NEU4: variants seen among roughly 807,000 people sequenced by gnomAD.
The protein encoded by NEU4 is neuraminidase 4.
A neutral mutation model predicts 9.9 loss-of-function variants in NEU4; 7 were observed. The observed-to-expected ratio is 0.71, with a 90% CI of 0.40 to 1.33. NEU4 has a LOEUF of 1.33. NEU4 is among the 40% of genes most tolerant of loss of function. The probability of loss-of-function intolerance (pLI) is 0.01; values close to 1 mark genes in which losing one functional copy is unlikely to be tolerated. For synonymous variants in NEU4, 348 were observed against 316.9 expected (o/e 1.10, Z -1.04); for missense variants, 717 against 712.6 (o/e 1.01, Z -0.07).
Position 241,816,031 on chromosome 2 carries a change from C to A in NEU4, c.458-20C>A. 1 of 1,575,370 alleles carries A rather than the reference C, an allele frequency of 6.3e-7. No homozygotes were observed. On this transcript the variant is annotated intron_variant, in intron 3 of 3. Transcript: ENST00000407683. ...TCGGGGACCCAGCAGCCCCTCCCAC[C>A]TCTGCCCTCCTCCCTGCAGACTGGG...
chr2:241,809,818 G>A (rs1403053036), intron 1 of NEU4: 1 of 156,452 alleles, frequency 6.4e-6, no homozygotes, highest in Non-Finnish European at 1.4e-5. Context: ...TGGAGCAGAG[G>A]GAGTGAGGCC....
intron 1 of NEU4, chr2:241,814,025 G>A: frequency 2.5e-6 from 1 of 396,050 alleles, no homozygotes; most frequent in Non-Finnish European, 5.3e-6. Flanking sequence ...CCACGGTGCT[G>A]TGGCCTCTAT....
intron 3 of NEU4, chr2:241,815,523 T>A: frequency 2.0e-6 from 1 of 489,950 alleles, no homozygotes; most frequent in Non-Finnish European, 4.1e-6. Context: ...TCCCCCCCGC[T>A]AATCTCTTTA....
At chr2:241,811,459 C>T (rs778482327) in intron 1 of NEU4, 1 of 1,569,176 alleles carries the variant, frequency 6.4e-7, no homozygotes, top group African/African-American at 1.4e-5. Flanking sequence ...CCCAAGGTGG[C>T]TGGTGAGTCC....
chr2:241,813,614 T>C (rs962664830), intron 1 of NEU4: 1 of 1,045,126 alleles, frequency 9.6e-7, no homozygotes, highest in Non-Finnish European at 1.3e-6. Flanking sequence ...ACTCCCAGAA[T>C]GGCCGCCGGG....
In NEU4 at chr2:241,815,096, T is replaced by G; in HGVS notation, c.406T>G (p.Trp136Gly). Residue 136 changes from tryptophan to glycine, a missense_variant, in exon 3 of 4, where the codon TGG becomes GGG. Physicochemically the swap from Trp to Gly is radical, Grantham distance 184. Coordinates refer to ENST00000407683, the MANE Select transcript of NEU4 (RefSeq NM_001167600.3). ...GGCCAGCCGTGACGCCGGCCTCTCGTGGGGCAGCGCCCGGGACCTCACCGA... is the reference window on the plus strand; with the variant it reads ...GGCCAGCCGTGACGCCGGCCTCTCGGGGGGCAGCGCCCGGGACCTCACCGA... ...CVASRDAGLS[W>G]GSARDLTEEA... 6.3e-7 allele frequency: 1 copy of G among 1,579,362 alleles called. No homozygotes were observed. Among genetic ancestry groups the G allele is most frequent in the Middle Eastern group, 1.7e-4 (1 of 6,012 alleles).
rs752037038 is a variant in NEU4 at position 241,815,054 on chromosome 2, G to A, written c.364G>A (p.Ala122Thr). The change falls in exon 3 of 4, where the codon GCG becomes ACG. Residue 122 changes from alanine to threonine, a missense_variant. Ala to Thr is a moderately conservative substitution (Grantham distance 58). Transcript: ENST00000407683. The stretch of plus-strand genomic sequence containing the variant: ...GCAGATCGCCACGGGAAGGAACGCC[G>A]CGCGCCTCTGCTGTGTGGCCAGCCG... ...AVQIATGRNAARLCCVASRDA... is the reference protein window; with the variant it reads ...AVQIATGRNATRLCCVASRDA... The A allele has an allele frequency of 2.2e-5, 35 of 1,586,850 alleles. No individual in the cohort carries two copies. Among genetic ancestry groups the A allele is most frequent in the South Asian group, 1.6e-4 (14 of 89,118 alleles).
intron 1 of NEU4, among the ~76,000 whole-genome samples, chr2:241,812,589 C>T (rs1381811525): frequency 7.5e-5 from 11 of 146,598 alleles, no homozygotes; most frequent in Non-Finnish European, 1.5e-5. Flanking sequence ...GGCTGGTCCC[C>T]CAAGACAGAG....
rs1423704547 is a variant in NEU4, at chr2:241,815,018, C to A, written c.328C>A (p.Pro110Thr). Reference sequence around the variant, plus strand: ...CTTCATCGCGGTGCTGGGCCACACGCCTGAGGCCGTGCAGATCGCCACGGG... The same window carrying A: ...CTTCATCGCGGTGCTGGGCCACACGACTGAGGCCGTGCAGATCGCCACGGG... ...LFFIAVLGHTPEAVQIATGRN... is the reference protein window; with the variant it reads ...LFFIAVLGHTTEAVQIATGRN... The change falls in exon 3 of 4, where the codon CCT (proline) becomes ACT (threonine). Residue 110 changes from proline to threonine, a missense_variant. Coordinates refer to ENST00000407683, the MANE Select transcript of NEU4 (RefSeq NM_001167600.3). 5.6e-6 allele frequency: 9 copies of A among 1,603,824 alleles called. No individual in the cohort carries two copies. The highest frequency in any genetic ancestry group is 7.6e-6 in the Non-Finnish European group (9 of 1,178,778).
chr2:241,813,616 G>T (rs1212542826), intron 1 of NEU4: 7 of 1,022,520 alleles, frequency 6.8e-6, no homozygotes, highest in Non-Finnish European at 9.6e-6. Context: ...TCCCAGAATG[G>T]CCGCCGGGCC....
chr2:241,811,888 T>G, intron 1 of NEU4: 1 of 174,454 alleles, frequency 5.7e-6, no homozygotes. Context: ...GTCTTCGCCC[T>G]GGCCAGGGCC....
Position 241,814,571 on chromosome 2 carries a change from C to T in NEU4, c.87C>T (p.Pro29=), listed in dbSNP as rs753017877. The part of the protein sequence containing the change: ...GLTYRVPSLL[P]VPPGPTLLAF... ...CCTACCGCGTGCCCTCGCTGCTCCC[C>T]GTGCCCCCCGGGCCCACCCTGCTGG... Residue 29 remains proline, a synonymous_variant, in exon 2 of 4, where the codon CCC becomes CCT. Transcript: ENST00000407683. 2.5e-5 allele frequency: 41 copies of T among 1,612,284 alleles called. 1 individual carries two copies. Among genetic ancestry groups the T allele is most frequent in the East Asian group, 2.0e-4 (9 of 44,890 alleles).
In NEU4 at chr2:241,816,561, AC is replaced by A; in HGVS notation, c.973del (p.Arg325ValfsTer72). 1 of 1,609,354 alleles carries A rather than the reference AC, an allele frequency of 6.2e-7. No individual in the cohort carries two copies. Among genetic ancestry groups the A allele is most frequent in the Non-Finnish European group, 8.5e-7 (1 of 1,178,646 alleles). ...GAACCCCCAGAGGAGGCTGCTGTAG[AC>A]CCCCGTGGAGGCCAGGTGCCTGGTG... ...VHEPPEEAAVDPRGGQVPGGP... is the reference protein window; with the variant it reads ...VHEPPEEAAVXPRGGQVPGGP... On this transcript the variant is annotated frameshift_variant, in exon 4 of 4. Transcript: ENST00000407683. LOFTEE classifies it low-confidence loss of function (END_TRUNC).
chr2:241,817,107 T>C lies in NEU4; in HGVS notation c.*59T>C. ...GCCTGGGGCAGAGGGGTGGAATACG[T>C]TGGGGTGCCCCACGATAGCTGTGGG... On this transcript the variant is annotated 3_prime_UTR_variant, in exon 4 of 4. Transcript: ENST00000407683. The C allele has an allele frequency of 1.4e-6, 2 of 1,462,678 alleles. No individual in the cohort carries two copies. The highest frequency in any genetic ancestry group is 1.4e-5 in the African/African-American group (1 of 70,854). 90.6% of individuals were successfully genotyped at this position (1,462,678 alleles called of 1,614,324 possible).
intron 1 of NEU4, among the ~76,000 whole-genome samples, chr2:241,812,181 TG>T: frequency 2.1e-5 from 1 of 48,304 alleles, no homozygotes; most frequent in Admixed American, 3.4e-4. Flanking sequence ...CCACACAGGA[TG>T]GGCTGTGAGG....
In NEU4 at chr2:241,816,167, C is replaced by G; in HGVS notation, c.574C>G (p.Arg192Gly). The G allele has an allele frequency of 6.2e-7, 1 of 1,612,524 alleles. No individual in the cohort carries two copies. The highest frequency in any genetic ancestry group is 1.1e-5 in the South Asian group (1 of 90,974). ...DRRECFGKIC[R>G]TSPHSFAFYS... ...CCGAGAGTGTTTTGGCAAGATCTGC[C>G]GGACCAGCCCTCACTCCTTCGCCTT... Residue 192 changes from arginine to glycine, a missense_variant, in exon 4 of 4, where the codon CGG becomes GGG. Coordinates refer to ENST00000407683, the MANE Select transcript of NEU4 (RefSeq NM_001167600.3).
At chr2:241,810,522 G>C (rs982538601) in intron 1 of NEU4, 6 of 152,434 alleles carry the variant, frequency 3.9e-5, no homozygotes, top group African/African-American at 1.2e-4. Flanking sequence ...GCCCTTCGCA[G>C]GGGAGGGAGG....
intron 1 of NEU4, chr2:241,811,426 C>G: frequency 6.4e-7 from 1 of 1,564,464 alleles, no homozygotes; most frequent in East Asian, 2.4e-5. Flanking sequence ...GAGGCAGCCA[C>G]CCATGATGAG....
In NEU4 at chr2:241,814,883, T is replaced by C. The variant is rs377134902; in HGVS notation, c.202-9T>C. On this transcript the variant is annotated splice_polypyrimidine_tract_variant and intron_variant, in intron 2 of 3. Coordinates refer to ENST00000407683, the MANE Select transcript of NEU4 (RefSeq NM_001167600.3). ...CGTCCTGGTCAGCGGAACTTCCTCC[T>C]CTGGGCAGTGGGGTGCCCTGCACGT... 6.2e-7 allele frequency: 1 copy of C among 1,603,942 alleles called. No individual in the cohort carries two copies. Among genetic ancestry groups the C allele is most frequent in the Non-Finnish European group, 8.5e-7 (1 of 1,174,086 alleles).
Sources: gnomAD v4.1 joint callset for allele counts (sites outside exome capture counted in the v4.1 genomes callset) on GRCh38, gnomAD v4.1.1 for gene constraint, MANE v1.5 for transcripts, NCBI Gene and HGNC (gene_info 2026-07-23, HGNC 2026-07-21) for gene names.